The following PPP1R37 variants were observed in gnomAD, a reference collection of about 807,000 sequenced individuals.
The protein encoded by PPP1R37 is protein phosphatase 1 regulatory subunit 37, also known as leucine rich repeat containing 68.
In PPP1R37, 21 loss-of-function variants were observed where a neutral mutation model predicts 61.0. The observed-to-expected ratio is 0.34, with a 90% CI of 0.24 to 0.50. PPP1R37 has a LOEUF of 0.50. Among genes scored for constraint, PPP1R37 ranks in the 20% least tolerant of loss-of-function variants. The pLI is 0.98. For synonymous variants in PPP1R37, 443 were observed against 433.5 expected, an observed-to-expected ratio of 1.02 and a Z score of -0.27; for missense variants, 910 against 952.7, an observed-to-expected ratio of 0.96 and a Z score of 0.59.
chr19:45,113,311 C>T (rs1381258613), intron 1 of PPP1R37, among the ~76,000 whole-genome samples: 4 of 152,378 alleles, frequency 2.6e-5, no homozygotes, highest in East Asian at 1.9e-4. Flanking sequence ...CCTGTAGATT[C>T]GTAACAGGAA....
At chr19:45,127,660 A>G (rs2122737611) in intron 1 of PPP1R37, among the ~76,000 whole-genome samples, 1 of 152,298 alleles carries the variant, frequency 6.6e-6, no homozygotes, top group South Asian at 2.1e-4. Context: ...AAAAAGGTGG[A>G]CAGAGATTCA....
rs1166708645 is a variant in PPP1R37 at position 45,145,110 on chromosome 19, G to A, written c.1146G>A (p.Ala382=). The change falls in exon 10 of 13, where the codon GCG becomes GCA. Residue 382 remains alanine, a synonymous_variant. Transcript: ENST00000221462. ...CCCCCCCAGGCGCGGTGGCGGTGGC[G>A]GAGTTCATCGCTGAGAGCCCCCGCC... ...KLTCEGAVAV[A]EFIAESPRLL... is the part of the protein sequence containing the mutation. 3.9e-6 allele frequency: 6 copies of A among 1,533,252 alleles called. No individual in the cohort carries two copies. Among genetic ancestry groups the A allele is most frequent in the African/African-American group, 1.4e-5 (1 of 72,686 alleles). The allele number at this position is 1,533,252 out of a possible 1,614,324, so 95.0% of individuals were successfully genotyped here.
At chr19:45,124,787 C>T (rs984156074) in intron 1 of PPP1R37, among the ~76,000 whole-genome samples, 1 of 145,120 alleles carries the variant, frequency 6.9e-6, no homozygotes, top group African/African-American at 2.6e-5. Flanking sequence ...ATACTGAGAC[C>T]CGGTCTCTAC....
At chr19:45,116,109 G>A (rs960836191) in intron 1 of PPP1R37, among the ~76,000 whole-genome samples, 1 of 152,216 alleles carries the variant, frequency 6.6e-6, no homozygotes, top group African/African-American at 2.4e-5. Context: ...TGCAGCTGCT[G>A]TGTGTGAGGC....
chr19:45,105,418 C>T (rs1401139118), intron 1 of PPP1R37, among the ~76,000 whole-genome samples: 3 of 152,066 alleles, frequency 2.0e-5, no homozygotes, highest in African/African-American at 2.4e-5. Flanking sequence ...TCCCACTGCG[C>T]GTCAGTGTTT....
intron 1 of PPP1R37, among the ~76,000 whole-genome samples, chr19:45,123,256 C>T (rs1018972710): frequency 7.2e-5 from 11 of 152,140 alleles, no homozygotes; most frequent in African/African-American, 2.7e-4. Context: ...GGGGTGAGTG[C>T]ACCCCAGGCT....
chr19:45,145,553 C>A lies in PPP1R37; in HGVS notation c.1497C>A (p.Pro499=). The change falls in exon 11 of 13, where the codon CCC becomes CCA. Residue 499 remains proline, a synonymous_variant. Coordinates refer to ENST00000221462, the MANE Select transcript of PPP1R37 (RefSeq NM_019121.2). The part of the protein sequence containing the change: ...AAGVQNGAPS[P]APSPDSDSDS... ...GGGTGCAGAACGGGGCCCCCAGCCC[C>A]GCACCCAGCCCGGACTCAGACTCAG... 6.5e-7 allele frequency: 1 copy of A among 1,534,900 alleles called. No individual in the cohort carries two copies.
At chr19:45,131,367 C>T (rs567460590) in intron 1 of PPP1R37, among the ~76,000 whole-genome samples, 4 of 152,230 alleles carry the variant, frequency 2.6e-5, no homozygotes, top group South Asian at 2.1e-4. Context: ...ACCCTGCCTC[C>T]GCCCCAGCCC....
rs760496416 is a variant in PPP1R37, at chr19:45,140,298, G to A, written c.346+17G>A. ...ACCTGAAAGGTGTGTGTCTGGCTAG[G>A]GGTTGAGAGCCCTTGGGTCATGGGC... On this transcript the variant is annotated intron_variant, in intron 3 of 12. Transcript: ENST00000221462. 6.5e-7 allele frequency: 1 copy of A among 1,535,662 alleles called. No homozygotes were observed. The highest frequency in any genetic ancestry group is 1.2e-5 in the South Asian group (1 of 84,058).
intron 1 of PPP1R37, among the ~76,000 whole-genome samples, chr19:45,126,416 C>CT (rs1320902040): frequency 6.6e-6 from 1 of 152,184 alleles, no homozygotes; most frequent in Non-Finnish European, 1.5e-5. Flanking sequence ...AGTCACTGCT[C>CT]TGTGCTGTTG....
intron 12 of PPP1R37, 45 bp from the exon 13 acceptor site, chr19:45,146,526 A>T: frequency 1.5e-6 from 2 of 1,366,580 alleles, no homozygotes; most frequent in South Asian, 2.5e-5. Flanking sequence ...GAGCTGAGAG[A>T]GCCTCTGGCT....
intron 4 of PPP1R37, 87 bp from the exon 5 acceptor site, chr19:45,141,235 C>A (rs1399917490): frequency 1.2e-5 from 17 of 1,421,920 alleles, no homozygotes; most frequent in Non-Finnish European, 1.6e-5. Context: ...GACCCATCGT[C>A]TCTCGGTGGG....
At chr19:45,129,683 C>T (rs1968452053) in intron 1 of PPP1R37, among the ~76,000 whole-genome samples, 1 of 152,150 alleles carries the variant, frequency 6.6e-6, no homozygotes, top group African/African-American at 2.4e-5. Flanking sequence ...CACCCCTGGT[C>T]TGGTCCCCTG....
chr19:45,140,649 G>T, intron 4 of PPP1R37, 43 bp downstream of exon 4: 1 of 1,456,624 alleles, frequency 6.9e-7, no homozygotes, highest in Non-Finnish European at 9.3e-7. Context: ...CTGAGCTCCC[G>T]GGCCCCTTCG....
intron 5 of PPP1R37, 48 bp downstream of exon 5, chr19:45,141,489 C>T (rs756238995): frequency 7.1e-5 from 107 of 1,511,936 alleles, no homozygotes; most frequent in Non-Finnish European, 7.4e-5. Flanking sequence ...GCTCCCAGCA[C>T]GGGGAGGCAC....
chr19:45,120,134 C>T (rs1420165848), intron 1 of PPP1R37, among the ~76,000 whole-genome samples: 1 of 150,744 alleles, frequency 6.6e-6, no homozygotes, highest in Non-Finnish European at 1.5e-5. Flanking sequence ...TCTCCTGCCT[C>T]AGCCTCCCAA....
chr19:45,146,010 G>A lies in PPP1R37; in HGVS notation c.1954G>A (p.Gly652Arg). The change falls in exon 11 of 13, where the codon GGG (glycine) becomes AGG (arginine). Residue 652 changes from glycine to arginine, a missense_variant. Gly to Arg is a moderately radical substitution (Grantham distance 125, BLOSUM62 -2). This residue lies in a region of PPP1R37 where 549 missense variants were observed against 505.1 expected (regional missense o/e 1.09). Coordinates refer to ENST00000221462, the MANE Select transcript of PPP1R37 (RefSeq NM_019121.2). ...GGCACTGCCCCCTGAGCCGCCCCCG[G>A]GGCCTGAGGTCAAGGGGGGCAGCTG... ...ALALPPEPPP[G>R]PEVKGGSCGL... 6.5e-7 allele frequency: 1 copy of A among 1,533,052 alleles called. No individual in the cohort carries two copies. Among genetic ancestry groups the A allele is most frequent in the Non-Finnish European group, 8.7e-7 (1 of 1,145,316 alleles). 95.0% of individuals were successfully genotyped at this position (1,533,052 alleles called of 1,614,324 possible).
chr19:45,128,051 C>G (rs533861028), intron 1 of PPP1R37, among the ~76,000 whole-genome samples: 9 of 151,258 alleles, frequency 6.0e-5, no homozygotes, highest in African/African-American at 4.9e-5. Context: ...ATGCATTTAT[C>G]GAAATACCAC....
rs919364450 is a variant in PPP1R37, at chr19:45,146,186, T to G, written c.1993+137T>G. ...CAGGGGCCAGCAAAGTGGGGCTTAG[T>G]TCTCATCTCCACCCTGCTTCCCTTG... On this transcript the variant is annotated intron_variant, in intron 11 of 12. Transcript: ENST00000221462. 51 of 1,044,522 alleles carry G rather than the reference T, an allele frequency of 4.9e-5. No homozygotes were observed. In the African/African-American group the frequency reaches 7.4e-4, roughly 15 times the overall value. The allele number at this position is 1,044,522 out of a possible 1,614,324, so 64.7% of individuals were successfully genotyped here. A position where few individuals can be genotyped will look rare whatever the true frequency, so the allele number is the denominator to read the frequency against.
Sources: gnomAD v4.1 joint callset for allele counts (sites outside exome capture counted in the v4.1 genomes callset) on GRCh38, gnomAD v4.1.1 for gene constraint, gnomAD v4.1.1 regional missense constraint, MANE v1.5 for transcripts, NCBI Gene and HGNC (gene_info 2026-07-23, HGNC 2026-07-21) for gene names.